GSTZ1: variants seen among roughly 807,000 people sequenced by gnomAD.
GSTZ1 encodes the protein maleylacetoacetate isomerase.
Under a neutral mutation model 35.9 loss-of-function variants are expected in GSTZ1, and 34 were observed. The observed-to-expected ratio is 0.95, with a 90% CI of 0.72 to 1.26. GSTZ1 has a LOEUF of 1.26. GSTZ1 is among the 50% of genes most tolerant of loss of function. GSTZ1 has a pLI of 0.00. For missense variants in GSTZ1, 263 were observed against 271.7 expected (o/e 0.97, Z 0.23); for synonymous variants, 93 against 101.2 (o/e 0.92, Z 0.49).
chr14:77,331,132 G>A lies in GSTZ1; in HGVS notation c.588G>A (p.Leu196=). 6.2e-7 allele frequency: 1 copy of A among 1,614,072 alleles called. No individual in the cohort carries two copies. Among genetic ancestry groups the A allele is most frequent in the Non-Finnish European group, 8.5e-7 (1 of 1,179,946 alleles). ...ISSINKRLLV[L]EAFQVSHPCR... is the part of the protein sequence containing the mutation. ...CCATCAACAAGAGGCTGCTGGTCTT[G>A]GAGGCCTTCCAGGTGTCTCACCCCT... The change falls in exon 9 of 9, where the codon TTG becomes TTA. Residue 196 remains leucine (L), a synonymous_variant. Transcript: ENST00000216465.
At position 77,331,060 on chromosome 14, in the gene GSTZ1, C is replaced by G; in HGVS notation, c.525-9C>G. 1 of 1,613,260 alleles carries G rather than the reference C, an allele frequency of 6.2e-7. No homozygotes were observed. Among genetic ancestry groups the G allele is most frequent in the Non-Finnish European group, 8.5e-7 (1 of 1,179,430 alleles). Reference sequence around the variant, plus strand: ...AAACCTTAGCTTAGCAGGTGTTTCTCTACTACAGATTCAAGGTGGATCTCA... The same window carrying G: ...AAACCTTAGCTTAGCAGGTGTTTCTGTACTACAGATTCAAGGTGGATCTCA... On this transcript the variant is annotated splice_polypyrimidine_tract_variant and intron_variant, in intron 8 of 8. Coordinates refer to ENST00000216465, the MANE Select transcript of GSTZ1 (RefSeq NM_145870.3).
Position 77,321,242 on chromosome 14 carries a change from G to C in GSTZ1, c.15+59G>C, listed in dbSNP as rs1223096116. 2.0e-6 allele frequency: 3 copies of C among 1,535,172 alleles called. No homozygotes were observed. The East Asian group carries it at 7.4e-5, about 38-fold the overall frequency. ...GTTAGACACCTGGAGACCCTGGGGG[G>C]CGGGGTCAGAAGTGAGCTGCACCGC... On this transcript the variant is annotated intron_variant, in intron 1 of 8. Coordinates refer to ENST00000216465, the MANE Select transcript of GSTZ1 (RefSeq NM_145870.3).
chr14:77,328,394 G>A (rs1004614892), intron 5 of GSTZ1: 3 of 243,376 alleles, frequency 1.2e-5, no homozygotes, highest in Non-Finnish European at 2.4e-5. Flanking sequence ...GTCATATACT[G>A]GGATACTTGT....
chr14:77,321,296 T>A, intron 1 of GSTZ1, 113 bp downstream of exon 1: 1 of 1,518,100 alleles, frequency 6.6e-7, no homozygotes, highest in Non-Finnish European at 8.9e-7. Context: ...ACTCCCGGCA[T>A]GCAGTGCTTT....
At chr14:77,328,903 G>C in intron 5 of GSTZ1, 1 of 587,176 alleles carries the variant, frequency 1.7e-6, no homozygotes, top group Non-Finnish European at 3.0e-6. Flanking sequence ...GTGGCTTTTT[G>C]AGGCCACTGG....
At chr14:77,327,604 G>C in intron 4 of GSTZ1, 52 bp downstream of exon 4, 1 of 1,208,088 alleles carries the variant, frequency 8.3e-7, no homozygotes, top group East Asian at 2.4e-5. Context: ...CCCTGAATGA[G>C]AGCGCCTGAC....
chr14:77,331,064 TAC>T lies in GSTZ1; in HGVS notation c.525-3_525-2del, dbSNP rs778008568. 17 of 1,613,392 alleles carry T rather than the reference TAC, an allele frequency of 1.1e-5. No individual in the cohort carries two copies. Among genetic ancestry groups the T allele is most frequent in the Non-Finnish European group, 1.4e-5 (16 of 1,179,648 alleles). ...CTTAGCTTAGCAGGTGTTTCTCTACTACAGATTCAAGGTGGATCTCACCCCCT... is the reference window on the plus strand; with the variant it reads ...CTTAGCTTAGCAGGTGTTTCTCTACTAGATTCAAGGTGGATCTCACCCCCT... On this transcript the variant is annotated splice_polypyrimidine_tract_variant and splice_region_variant and intron_variant, in intron 8 of 8. Coordinates refer to ENST00000216465, the MANE Select transcript of GSTZ1 (RefSeq NM_145870.3).
chr14:77,330,301 C>T lies in GSTZ1; in HGVS notation c.475-9C>T, dbSNP rs775809311. On this transcript the variant is annotated splice_polypyrimidine_tract_variant and intron_variant, in intron 7 of 8. Coordinates refer to ENST00000216465, the MANE Select transcript of GSTZ1 (RefSeq NM_145870.3). Reference sequence around the variant, plus strand: ...CACCCTGATGGGAACCCACCGGGACCTCTTTCAGGTGACCATGGCTGATCT... The same window carrying T: ...CACCCTGATGGGAACCCACCGGGACTTCTTTCAGGTGACCATGGCTGATCT... The T allele has an allele frequency of 6.2e-7, 1 of 1,611,350 alleles. No individual in the cohort carries two copies. The highest frequency in any genetic ancestry group is 1.7e-5 in the Admixed American group (1 of 60,004).
At chr14:77,330,710 A>G (rs1268215661) in intron 8 of GSTZ1, among the ~76,000 whole-genome samples, 1 of 152,196 alleles carries the variant, frequency 6.6e-6, no homozygotes, top group Non-Finnish European at 1.5e-5. Context: ...TTGGTAGGGC[A>G]CAAATGAGCA....
intron 8 of GSTZ1, 42 bp from the exon 9 acceptor site, chr14:77,331,027 G>T: frequency 1.3e-6 from 2 of 1,595,790 alleles, no homozygotes; most frequent in Non-Finnish European, 1.7e-6. Context: ...GTCTCCCTGT[G>T]TCCCTGAAAA....
At chr14:77,324,721 C>G in intron 1 of GSTZ1, 149 bp from the exon 2 acceptor site, 1 of 1,144,958 alleles carries the variant, frequency 8.7e-7, no homozygotes, top group Non-Finnish European at 1.3e-6. Flanking sequence ...CCTCATGAGC[C>G]TCTCAGAGAG....
At chr14:77,330,075 C>A in intron 7 of GSTZ1, 1 of 678,382 alleles carries the variant, frequency 1.5e-6, no homozygotes, top group South Asian at 1.6e-5. Flanking sequence ...CTTCTCTGGC[C>A]CTCTCAACCC....
chr14:77,327,582 A>C, intron 4 of GSTZ1, 30 bp downstream of exon 4: 1 of 1,410,650 alleles, frequency 7.1e-7, no homozygotes, highest in South Asian at 1.2e-5. Context: ...GAGGGCCCTC[A>C]TGAGAGCAGT....
chr14:77,328,040 G>A lies in GSTZ1; in HGVS notation c.342+3G>A. 1 of 1,613,552 alleles carries A rather than the reference G, an allele frequency of 6.2e-7. No individual in the cohort carries two copies. The highest frequency in any genetic ancestry group is 8.5e-7 in the Non-Finnish European group (1 of 1,179,870). On this transcript the variant is annotated splice_donor_region_variant and intron_variant, in intron 5 of 8. Transcript: ENST00000216465. The stretch of plus-strand genomic sequence containing the variant: ...CTGGTGGCATCCAGCCCCTGCAGGT[G>A]TGGCACTTGTACACTTGCACCCTTG...
intron 1 of GSTZ1, chr14:77,321,593 G>C (rs954766805): frequency 3.5e-6 from 4 of 1,150,372 alleles, no homozygotes; most frequent in Non-Finnish European, 4.4e-6. Flanking sequence ...TGTATTTTAA[G>C]AGTCCCCGGG....
At position 77,330,203 on chromosome 14, in the gene GSTZ1, C is replaced by T. The variant is rs528887986; in HGVS notation, c.475-107C>T. The T allele has an allele frequency of 6.3e-5, 53 of 843,680 alleles. No individual in the cohort carries two copies. The East Asian group carries it at 7.2e-4, about 12-fold the overall frequency. 52.3% of individuals were successfully genotyped at this position (843,680 alleles called of 1,614,324 possible). A position where few individuals can be genotyped will look rare whatever the true frequency, so the allele number is the denominator to read the frequency against. On this transcript the variant is annotated intron_variant, in intron 7 of 8. Transcript: ENST00000216465. The stretch of plus-strand genomic sequence containing the variant: ...TTGGAGGTGGGATGGGTGAAAGAGC[C>T]GAAGCAGATTGTTGGTACCCCCAGT...
At position 77,331,364 on chromosome 14, in the gene GSTZ1, G is replaced by A. The variant is rs370229315; in HGVS notation, c.*169G>A. On this transcript the variant is annotated 3_prime_UTR_variant, in exon 9 of 9. Coordinates refer to ENST00000216465, the MANE Select transcript of GSTZ1 (RefSeq NM_145870.3). ...ACCTCAGTCCCCTCATCTGTCACAC[G>A]CATGTGGGGTGGAGTAGGGAGATGC... is the stretch of plus-strand genomic sequence containing the variant. The A allele has an allele frequency of 2.0e-4, 145 of 721,716 alleles. 2 individuals carry two copies. The South Asian group carries it at 2.2e-3, about 11-fold the overall frequency. 44.7% of individuals were successfully genotyped at this position (721,716 alleles called of 1,614,324 possible).
At chr14:77,326,472 A>G in intron 2 of GSTZ1, 1 of 199,974 alleles carries the variant, frequency 5.0e-6, no homozygotes, top group Non-Finnish European at 1.0e-5. Flanking sequence ...ACCACTGTTT[A>G]AGGCCCTGGG....
In GSTZ1 at chr14:77,324,485, G is replaced by A. The variant is rs533638617; in HGVS notation, c.16-385G>A. On this transcript the variant is annotated intron_variant, in intron 1 of 8. Coordinates refer to ENST00000216465, the MANE Select transcript of GSTZ1 (RefSeq NM_145870.3). Reference sequence around the variant, plus strand: ...TGACCAGAGTCAAAGTTCCCCCAATGCCTGGGTAGCCCAGCTTCCCCATTG... The same window carrying A: ...TGACCAGAGTCAAAGTTCCCCCAATACCTGGGTAGCCCAGCTTCCCCATTG... The A allele has an allele frequency of 5.8e-6, 5 of 858,698 alleles. No individual in the cohort carries two copies. In the African/African-American group the frequency reaches 8.3e-5, roughly 14 times the overall value. 53.2% of individuals were successfully genotyped at this position (858,698 alleles called of 1,614,324 possible).
Sources: allele counts gnomAD v4.1 joint callset (sites outside exome capture counted in the v4.1 genomes callset), GRCh38; gene constraint gnomAD v4.1.1; transcripts MANE v1.5; gene names NCBI Gene and HGNC (gene_info 2026-07-23, HGNC 2026-07-21).